Variants in PIP5K1B observed in about 807,000 individuals in gnomAD.
PIP5K1B encodes phosphatidylinositol 4-phosphate 5-kinase type-1 beta.
Under a neutral mutation model 67.0 loss-of-function variants are expected in PIP5K1B, and 42 were observed. The observed-to-expected ratio is 0.63, with a 90% CI of 0.49 to 0.81. The LOEUF is 0.81. Among genes scored for constraint, PIP5K1B ranks in the 30% least tolerant of loss-of-function variants. The pLI is 0.00. For synonymous variants in PIP5K1B, 214 were observed against 231.4 expected (o/e 0.92, Z 0.68); for missense variants, 459 against 646.3 (o/e 0.71, Z 3.14).
At chr9:68,738,891 A>T (rs1459935652) in intron 1 of PIP5K1B, among the ~76,000 whole-genome samples, 2 of 152,194 alleles carry the variant, frequency 1.3e-5, no homozygotes, top group African/African-American at 4.8e-5. Flanking sequence ...CAGGAAGGCC[A>T]ACATTTTTTT....
chr9:68,958,668 T>C (rs572624918), intron 14 of PIP5K1B, among the ~76,000 whole-genome samples: 114 of 152,352 alleles, frequency 7.5e-4, no homozygotes, highest in African/African-American at 2.5e-3. Flanking sequence ...TTTTTAATTA[T>C]TTTTTAAATT....
At chr9:68,991,999 C>T (rs1400886334) in intron 15 of PIP5K1B, among the ~76,000 whole-genome samples, 1 of 151,886 alleles carries the variant, frequency 6.6e-6, no homozygotes, top group Non-Finnish European at 1.5e-5. Context: ...GAGTTTTGCT[C>T]TTGTTGCCCA....
chr9:68,791,554 T>A (rs901413357), intron 2 of PIP5K1B, among the ~76,000 whole-genome samples: 1 of 152,214 alleles, frequency 6.6e-6, no homozygotes, highest in Non-Finnish European at 1.5e-5. Flanking sequence ...CTCTTTCCCT[T>A]GATGCTCTCT....
At chr9:68,708,947 T>G (rs1324234295) in intron 1 of PIP5K1B, among the ~76,000 whole-genome samples, 2 of 152,180 alleles carry the variant, frequency 1.3e-5, no homozygotes, top group Admixed American at 1.3e-4. Context: ...GAAGTACCGT[T>G]TATGGGTAAG....
At chr9:69,005,489 G>T (rs1169381050) in intron 15 of PIP5K1B, among the ~76,000 whole-genome samples, 3 of 152,160 alleles carry the variant, frequency 2.0e-5, no homozygotes, top group Non-Finnish European at 4.4e-5. Context: ...CCAGGTTCAA[G>T]CAATACTCCT....
intron 4 of PIP5K1B, among the ~76,000 whole-genome samples, chr9:68,844,471 C>G (rs1318410928): frequency 6.6e-6 from 1 of 152,144 alleles, no homozygotes; most frequent in African/African-American, 2.4e-5. Flanking sequence ...GACTGGGCCA[C>G]TAGAAGACTG....
intron 1 of PIP5K1B, among the ~76,000 whole-genome samples, chr9:68,733,527 G>A (rs1262818137): frequency 3.3e-5 from 5 of 151,682 alleles, no homozygotes; most frequent in Non-Finnish European, 5.9e-5. Flanking sequence ...AGATTTGGGG[G>A]AGAACAATTG....
chr9:68,854,082 G>A (rs1456695391), intron 4 of PIP5K1B, among the ~76,000 whole-genome samples: 1 of 149,140 alleles, frequency 6.7e-6, no homozygotes, highest in Admixed American at 6.7e-5. Context: ...CAGATGTCTA[G>A]ATGAGACCAT....
In PIP5K1B at chr9:68,889,218, C is replaced by G. The variant is rs1168686615; in HGVS notation, c.471+85C>G. On this transcript the variant is annotated intron_variant, in intron 7 of 15. Transcript: ENST00000265382. The stretch of plus-strand genomic sequence containing the variant: ...TTTTTTCTGTTGTTTTTTTCAGTGA[C>G]TCAGGCATGTTTCTTTCTCTTTGGT... The G allele has an allele frequency of 5.2e-6, 5 of 960,302 alleles. No homozygotes were observed. In the East Asian group the frequency reaches 7.2e-5, roughly 14 times the overall value. The allele number at this position is 960,302 out of a possible 1,614,324, so 59.5% of individuals were successfully genotyped here. A position where few individuals can be genotyped will look rare whatever the true frequency, so the allele number is the denominator to read the frequency against.
At chr9:68,769,664 C>T (rs1332213396) in intron 2 of PIP5K1B, among the ~76,000 whole-genome samples, 1 of 152,168 alleles carries the variant, frequency 6.6e-6, no homozygotes, top group Non-Finnish European at 1.5e-5. Flanking sequence ...GCCCTCAATA[C>T]ACTCTAGGCT....
chr9:68,800,340 A>G (rs1300060310), intron 2 of PIP5K1B, among the ~76,000 whole-genome samples: 1 of 152,222 alleles, frequency 6.6e-6, no homozygotes, highest in Non-Finnish European at 1.5e-5. Flanking sequence ...GGTTTGTACC[A>G]TGCTTTTCAT....
At chr9:68,839,341 CT>C (rs1435938520) in intron 4 of PIP5K1B, among the ~76,000 whole-genome samples, 1 of 152,074 alleles carries the variant, frequency 6.6e-6, no homozygotes, top group Non-Finnish European at 1.5e-5. Context: ...GTGATCATCT[CT>C]TGCAGCAGTC....
rs534029974 is a variant in PIP5K1B, at chr9:68,999,067, C to T, written c.1620+7810C>T. On this transcript the variant is annotated intron_variant, in intron 15 of 15. Coordinates refer to ENST00000265382, the MANE Select transcript of PIP5K1B (RefSeq NM_003558.4). ...GAGGATCCTTCCCTCCCTCTTTTAG[C>T]CTCTGGTGGCTCCACATGTCCCTTG... Among the ~76,000 whole-genome samples, 13 of 152,248 alleles carry T rather than the reference C, an allele frequency of 8.5e-5. No homozygotes were observed. The South Asian group carries it at 2.5e-3, about 29-fold the overall frequency.
chr9:68,869,750 G>A (rs1190377875), intron 5 of PIP5K1B, among the ~76,000 whole-genome samples: 2 of 152,020 alleles, frequency 1.3e-5, no homozygotes, highest in Non-Finnish European at 2.9e-5. Flanking sequence ...GGCCGAGGTG[G>A]GAAGATCACA....
chr9:68,911,377 TAAA>T (rs60001726), intron 8 of PIP5K1B, among the ~76,000 whole-genome samples: 29 of 133,294 alleles, frequency 2.2e-4, no homozygotes, highest in Non-Finnish European at 2.1e-4. Context: ...CCATCTCAAA[TAAA>T]AAAAAAAAAA....
chr9:68,981,960 A>G (rs76601712), intron 14 of PIP5K1B, among the ~76,000 whole-genome samples: 14,834 of 152,214 alleles, frequency 0.097, 1,145 homozygotes, highest in African/African-American at 0.21. Context: ...GAGCCCGGGA[A>G]GAGTACTGGC....
rs79577622 is a variant in PIP5K1B at position 68,717,922 on chromosome 9, A to G, written c.-243+12160A>G. On this transcript the variant is annotated intron_variant, in intron 1 of 15. Coordinates refer to ENST00000265382, the MANE Select transcript of PIP5K1B (RefSeq NM_003558.4). ...TTCTGTTGTGTTCCCTCCCAACTCC[A>G]ACTTCCACCATACACTGGTCATGAG... Among the ~76,000 whole-genome samples, 21 of 152,342 alleles carry G rather than the reference A, an allele frequency of 1.4e-4. 1 individual carries two copies. The East Asian group carries it at 4.0e-3, about 29-fold the overall frequency.
chr9:68,853,907 C>T (rs891527681), intron 4 of PIP5K1B, among the ~76,000 whole-genome samples: 2 of 152,176 alleles, frequency 1.3e-5, no homozygotes, highest in Non-Finnish European at 2.9e-5. Flanking sequence ...TTTCTCCTCC[C>T]TCTAGCAACC....
At position 68,810,996 on chromosome 9, in the gene PIP5K1B, C is replaced by G. The variant is rs112597648; in HGVS notation, c.-85-7465C>G. 3.9e-5 allele frequency among the ~76,000 whole-genome samples: 6 copies of G among 152,230 alleles called. 1 individual carries two copies. The highest frequency in any genetic ancestry group is 1.4e-4 in the African/African-American group (6 of 41,524). ...GTTTTGAAGTCAGACAACCCTGGAT[C>G]AAATCTCAGCCCTACCACTTGACTG... On this transcript the variant is annotated intron_variant, in intron 2 of 15. Coordinates refer to ENST00000265382, the MANE Select transcript of PIP5K1B (RefSeq NM_003558.4).
Sources: gnomAD v4.1 joint callset for allele counts (sites outside exome capture counted in the v4.1 genomes callset) on GRCh38, gnomAD v4.1.1 for gene constraint, MANE v1.5 for transcripts, NCBI Gene and HGNC (gene_info 2026-07-23, HGNC 2026-07-21) for gene names.